Variants in TBC1D32 observed in about 807,000 individuals in gnomAD.
TBC1D32 encodes TBC1 domain family member 32.
TBC1D32 carries 151 observed loss-of-function variants against 170.3 expected under a neutral mutation model. That is an observed-to-expected ratio of 0.89 (90% CI 0.78 to 1.01). TBC1D32 has a LOEUF of 1.01. Ranked by LOEUF, TBC1D32 falls within the 50% of genes least tolerant of loss-of-function variation. The pLI is 0.00. For synonymous variants in TBC1D32, 498 were observed against 488.0 expected, an observed-to-expected ratio of 1.02 and a Z score of -0.27; for missense variants, 1,464 against 1,457.1, an observed-to-expected ratio of 1.00 and a Z score of -0.08.
At chr6:121,320,087 T>C (rs1809492877) in intron 2 of TBC1D32, among the ~76,000 whole-genome samples, 1 of 152,022 alleles carries the variant, frequency 6.6e-6, no homozygotes, top group Non-Finnish European at 1.5e-5. Flanking sequence ...TGTGCAAATA[T>C]CTGCTTAAAA....
intron 21 of TBC1D32, among the ~76,000 whole-genome samples, chr6:121,219,330 G>C (rs994719649): frequency 1.1e-4 from 16 of 151,970 alleles, no homozygotes; most frequent in African/African-American, 1.7e-4. Flanking sequence ...CTTTCTACAG[G>C]GTTAAAATAT....
At chr6:121,313,105 GGTGTGTGTGTGTGTGT>G (rs71018125) in intron 3 of TBC1D32, among the ~76,000 whole-genome samples, 4,862 of 111,214 alleles carry the variant, frequency 0.044, 184 homozygotes, top group African/African-American at 0.083. Flanking sequence ...AAGCTAAGGT[GGTGTGTGTGTGTGTGT>G]GTGTGTGTGT....
At chr6:121,185,069 A>G (rs1358216102) in intron 22 of TBC1D32, among the ~76,000 whole-genome samples, 1 of 150,470 alleles carries the variant, frequency 6.6e-6, no homozygotes, top group Non-Finnish European at 1.5e-5. Context: ...TTTAATTCTG[A>G]GCCCCTGACC....
At chr6:121,299,535 C>T in intron 9 of TBC1D32, 30 bp from the exon 10 acceptor site, 1 of 1,484,106 alleles carries the variant, frequency 6.7e-7, no homozygotes. Context: ...ATATTTAATA[C>T]TCAAGCTGTG....
At chr6:121,160,572 G>A (rs971558529) in intron 23 of TBC1D32, among the ~76,000 whole-genome samples, 1 of 151,430 alleles carries the variant, frequency 6.6e-6, no homozygotes, top group African/African-American at 2.4e-5. Flanking sequence ...CTGATGGAAG[G>A]AGAGGTACTC....
rs1583206163 is a variant in TBC1D32, at chr6:121,204,818, T to C, written c.2570+257A>G. Among the ~76,000 whole-genome samples the C allele has an allele frequency of 2.0e-5, 3 of 151,828 alleles. 1 individual carries two copies. Among genetic ancestry groups the C allele is most frequent in the East Asian group, 1.9e-4 (1 of 5,164 alleles). On this transcript the variant is annotated intron_variant, in intron 22 of 31. Transcript: ENST00000398212. ...CTCCTGAGTACACTAAATGAAATAG[T>C]CCCTAAAATGCCTCTATTAAATTAG...
intron 21 of TBC1D32, among the ~76,000 whole-genome samples, chr6:121,208,634 A>G (rs1374814636): frequency 6.7e-6 from 1 of 148,418 alleles, no homozygotes; most frequent in Non-Finnish European, 1.5e-5. Flanking sequence ...TATAACAGAA[A>G]AACAGAGGGA....
intron 12 of TBC1D32, among the ~76,000 whole-genome samples, chr6:121,284,999 G>C (rs55799213): frequency 0.11 from 16,142 of 152,038 alleles, 1,598 homozygotes; most frequent in African/African-American, 0.26. Context: ...CACAATCAAT[G>C]AGAAGAAAAG....
intron 15 of TBC1D32, among the ~76,000 whole-genome samples, chr6:121,263,733 C>G (rs1315310895): frequency 6.6e-6 from 1 of 152,104 alleles, no homozygotes; most frequent in Non-Finnish European, 1.5e-5. Context: ...GAAATGAAAT[C>G]ATTATAGACA....
At chr6:121,104,503 T>G (rs1294459932) in intron 30 of TBC1D32, among the ~76,000 whole-genome samples, 1 of 151,684 alleles carries the variant, frequency 6.6e-6, no homozygotes, top group Non-Finnish European at 1.5e-5. Flanking sequence ...TTATGTAGAA[T>G]TATTTTGGAA....
intron 15 of TBC1D32, among the ~76,000 whole-genome samples, chr6:121,272,101 T>A (rs1801528319): frequency 6.6e-6 from 1 of 152,080 alleles, no homozygotes; most frequent in Non-Finnish European, 1.5e-5. Context: ...TATACAAAAA[T>A]TAATTCAAGA....
At chr6:121,114,089 A>G (rs7756848) in intron 27 of TBC1D32, among the ~76,000 whole-genome samples, 41,118 of 151,910 alleles carry the variant, frequency 0.27, 8,459 homozygotes, top group African/African-American at 0.57. Flanking sequence ...CAGGAGAATC[A>G]CCTGAACCTG....
At position 121,241,485 on chromosome 6, in the gene TBC1D32, C is replaced by T. The variant is rs200421884; in HGVS notation, c.2225G>A (p.Gly742Asp). 1.9e-4 allele frequency: 302 copies of T among 1,613,034 alleles called. No homozygotes were observed. Among genetic ancestry groups the T allele is most frequent in the Non-Finnish European group, 2.3e-4 (276 of 1,179,588 alleles). ...TTTACCTGACTTTTTTAGTGCAATG[C>T]CACCTGCTGCTGTTGATGCCACTCG... ...VTRVASTAAGGIALKKSGFIN... is the reference protein window; with the variant it reads ...VTRVASTAAGDIALKKSGFIN... The change falls in exon 19 of 32, where the codon GGC (glycine) becomes GAC (aspartate). Residue 742 changes from glycine (G) to aspartate (D), a missense_variant. By Grantham distance (94) the Gly-to-Asp change is moderately conservative (BLOSUM62 -1). Around this residue, in one of 3 missense-constraint regions of TBC1D32, gnomAD observed 1,363 missense variants for 1,338.1 expected, o/e 1.02. Coordinates refer to ENST00000398212, the MANE Select transcript of TBC1D32 (RefSeq NM_152730.6).
chr6:121,115,272 T>G, intron 26 of TBC1D32, 31 bp from the exon 27 acceptor site: 14 of 1,495,244 alleles, frequency 9.4e-6, no homozygotes, highest in Non-Finnish European at 1.3e-5. Flanking sequence ...AGTTATAAAG[T>G]GCAGAAAAGT....
intron 9 of TBC1D32, among the ~76,000 whole-genome samples, chr6:121,300,284 T>C (rs903977969): frequency 6.6e-6 from 1 of 151,790 alleles, no homozygotes; most frequent in Non-Finnish European, 1.5e-5. Flanking sequence ...CCCTCTCTAC[T>C]AAAAATATAA....
chr6:121,229,625 T>C lies in TBC1D32; in HGVS notation c.2365-6273A>G, dbSNP rs1795491157. Among the ~76,000 whole-genome samples the C allele has an allele frequency of 2.0e-5, 3 of 152,308 alleles. No individual in the cohort carries two copies. In the South Asian group the frequency reaches 6.2e-4, roughly 32 times the overall value. On this transcript the variant is annotated intron_variant, in intron 20 of 31. Coordinates refer to ENST00000398212, the MANE Select transcript of TBC1D32 (RefSeq NM_152730.6). Reference sequence around the variant, plus strand: ...TGTTTAGCCATTTCTGTTTTAATGATGTTAAGGTGACTCAATTAATTCTCG... The same window carrying C: ...TGTTTAGCCATTTCTGTTTTAATGACGTTAAGGTGACTCAATTAATTCTCG...
chr6:121,308,601 C>G (rs1455893590), intron 4 of TBC1D32, among the ~76,000 whole-genome samples: 1 of 151,072 alleles, frequency 6.6e-6, no homozygotes, highest in East Asian at 1.9e-4. Flanking sequence ...TTCTGGCCTT[C>G]TGACTACTTA....
intron 21 of TBC1D32, among the ~76,000 whole-genome samples, chr6:121,206,295 T>C (rs1191312672): frequency 2.0e-5 from 3 of 152,040 alleles, no homozygotes; most frequent in African/African-American, 7.2e-5. Context: ...GCCTAAGAAA[T>C]TTATTTATAG....
chr6:121,212,450 CTTT>C (rs3076854), intron 21 of TBC1D32, among the ~76,000 whole-genome samples: 29 of 102,090 alleles, frequency 2.8e-4, no homozygotes, highest in African/African-American at 5.8e-4. Flanking sequence ...GTCAATATCT[CTTT>C]TTTTTTTTTT....
Sources: allele counts gnomAD v4.1 joint callset (sites outside exome capture counted in the v4.1 genomes callset), GRCh38; gene constraint gnomAD v4.1.1; regional missense constraint gnomAD v4.1.1; transcripts MANE v1.5; gene names NCBI Gene and HGNC (gene_info 2026-07-23, HGNC 2026-07-21).